Variants in SNX27 observed in about 807,000 individuals in gnomAD.
SNX27 encodes sorting nexin-27.
A neutral mutation model predicts 71.6 loss-of-function variants in SNX27; 22 were observed. The ratio of observed to expected loss-of-function variants is 0.31; its 90% CI spans 0.22 to 0.44. The LOEUF (loss-of-function observed/expected upper bound fraction) is 0.44, where lower values mean the gene tolerates loss of function less well. SNX27 is among the 20% of genes least tolerant of loss of function. SNX27 has a pLI of 1.00. For missense variants in SNX27, 531 were observed against 698.6 expected, an observed-to-expected ratio of 0.76 and a Z score of 2.70; for synonymous variants, 269 against 277.2, an observed-to-expected ratio of 0.97 and a Z score of 0.29.
In SNX27 at chr1:151,612,218, G is replaced by A. The variant is rs954308263; in HGVS notation, c.17G>A (p.Gly6Glu). 8 of 1,370,862 alleles carry A rather than the reference G, an allele frequency of 5.8e-6. No individual in the cohort carries two copies. Among genetic ancestry groups the A allele is most frequent in the South Asian group, 3.3e-5 (2 of 60,112 alleles). The allele number at this position is 1,370,862 out of a possible 1,614,324, so 84.9% of individuals were successfully genotyped here. A position where few individuals can be genotyped will look rare whatever the true frequency, so the allele number is the denominator to read the frequency against. Reference sequence around the variant, plus strand: ...GCTCGCAAGATGGCGGACGAGGACGGGGAAGGGATTCATCCCTCAGCCCCT... The same window carrying A: ...GCTCGCAAGATGGCGGACGAGGACGAGGAAGGGATTCATCCCTCAGCCCCT... Reference protein sequence around the residue: MADEDGEGIHPSAPHR... With the variant: MADEDEEGIHPSAPHR... The change falls in exon 1 of 12, where the codon GGG becomes GAG. Residue 6 changes from glycine to glutamate, a missense_variant. Physicochemically the swap from Gly to Glu is moderately conservative, Grantham distance 98 (BLOSUM62 -2). Around this residue, in one of 5 missense-constraint regions of SNX27, gnomAD observed 130 missense variants for 143.5 expected, o/e 0.91. Transcript: ENST00000458013. This position sits in a 1 kb window ranked among gnomAD's most constrained non-coding sequence, Gnocchi z 5.2.
intron 1 of SNX27, among the ~76,000 whole-genome samples, chr1:151,636,083 G>A (rs1031954475): frequency 3.3e-5 from 5 of 152,108 alleles, no homozygotes; most frequent in East Asian, 1.9e-4. Context: ...AGAAAAAAAC[G>A]CATAATAGGC....
At chr1:151,669,255 A>G (rs1218376599) in intron 7 of SNX27, 1 of 152,182 alleles carries the variant, frequency 6.6e-6, no homozygotes, top group Non-Finnish European at 1.5e-5. Context: ...CCCTTAATAT[A>G]GTCAAATTAT....
chr1:151,661,769 A>G (rs1669973072), intron 4 of SNX27, among the ~76,000 whole-genome samples: 1 of 152,206 alleles, frequency 6.6e-6, no homozygotes, highest in Admixed American at 6.5e-5. Context: ...CTCTTGATCC[A>G]GTCTATATGC....
chr1:151,651,650 C>T (rs529750615), intron 2 of SNX27, among the ~76,000 whole-genome samples: 7 of 151,550 alleles, frequency 4.6e-5, no homozygotes, highest in African/African-American at 7.3e-5. Context: ...GATGGGTGGC[C>T]GGGCAGAGAT....
chr1:151,643,296 A>ATTTATTTC, intron 2 of SNX27, among the ~76,000 whole-genome samples: 1 of 147,412 alleles, frequency 6.8e-6, no homozygotes, highest in Non-Finnish European at 1.5e-5. Context: ...TTATTTATTT[A>ATTTATTTC]TTTATTTATT....
chr1:151,612,258 T>A lies in SNX27; in HGVS notation c.57T>A (p.Gly19=). The change falls in exon 1 of 12, where the codon GGT becomes GGA. Residue 19 remains glycine, a synonymous_variant. Coordinates refer to ENST00000458013, the MANE Select transcript of SNX27 (RefSeq NM_001330723.2). The surrounding 1 kb of genome is among the most constrained non-coding windows in gnomAD (Gnocchi z 5.2). ...IHPSAPHRNG[G]GGGGGGSGLH... ...CCTCAGCCCCTCACAGGAACGGAGG[T>A]GGCGGCGGCGGCGGGGGGTCTGGGC... is the stretch of plus-strand genomic sequence containing the variant. 6.9e-7 allele frequency: 1 copy of A among 1,440,454 alleles called. No homozygotes were observed. The highest frequency in any genetic ancestry group is 1.4e-5 in the South Asian group (1 of 69,618). 89.2% of individuals were successfully genotyped at this position (1,440,454 alleles called of 1,614,324 possible).
In SNX27 at chr1:151,695,303, C is replaced by G. The variant is rs1558081073; in HGVS notation, c.*886C>G. On this transcript the variant is annotated 3_prime_UTR_variant, in exon 12 of 12. Coordinates refer to ENST00000458013, the MANE Select transcript of SNX27 (RefSeq NM_001330723.2). ...CATTCTGCACCTCCTTCCTGCTTTCCTAGAGCCTCGGTATGCTTTCCCTCA... is the reference window on the plus strand; with the variant it reads ...CATTCTGCACCTCCTTCCTGCTTTCGTAGAGCCTCGGTATGCTTTCCCTCA... 2 of 151,994 alleles carry G rather than the reference C, an allele frequency of 1.3e-5. No individual in the cohort carries two copies. Among genetic ancestry groups the G allele is most frequent in the South Asian group, 2.1e-4 (1 of 4,822 alleles). 9.4% of individuals were successfully genotyped at this position (151,994 alleles called of 1,614,324 possible). A position where few individuals can be genotyped will look rare whatever the true frequency, so the allele number is the denominator to read the frequency against.
At chr1:151,651,309 G>A (rs1200707816) in intron 2 of SNX27, among the ~76,000 whole-genome samples, 2 of 151,396 alleles carry the variant, frequency 1.3e-5, no homozygotes, top group African/African-American at 4.8e-5. Flanking sequence ...CCCAGATGGG[G>A]CGGCTGGCGG....
intron 1 of SNX27, among the ~76,000 whole-genome samples, chr1:151,637,091 G>A (rs1202773894): frequency 6.6e-6 from 1 of 150,920 alleles, no homozygotes; most frequent in Admixed American, 6.6e-5. Context: ...ACTCCTGTAA[G>A]TAGCTCCAAA....
intron 1 of SNX27, among the ~76,000 whole-genome samples, chr1:151,631,812 ATACGTGTGCAC>A (rs1668248873): frequency 6.6e-6 from 1 of 152,088 alleles, no homozygotes; most frequent in African/African-American, 2.4e-5. Flanking sequence ...AGCTGGGACA[ATACGTGTGCAC>A]CACCAGGCCC....
At position 151,692,406 on chromosome 1, in the gene SNX27, C is replaced by CTTTTTT. The variant is rs61159507; in HGVS notation, c.1240-8_1240-3dup. The CTTTTTT allele has an allele frequency of 3.3e-4, 279 of 854,558 alleles. 22 individuals are homozygous for CTTTTTT. Among genetic ancestry groups the CTTTTTT allele is most frequent in the South Asian group, 6.9e-4 (37 of 53,312 alleles). 52.9% of individuals were successfully genotyped at this position (854,558 alleles called of 1,614,324 possible). On this transcript the variant is annotated intron_variant, in intron 8 of 11. Transcript: ENST00000458013. ...TAACCCTGTTTCCTGTTTCTCCTTC[C>CTTTTTT]TTTTTTTTTTTTTTTTTTTTTTTTT...
At chr1:151,656,637 G>A (rs918139747) in intron 2 of SNX27, among the ~76,000 whole-genome samples, 4 of 152,316 alleles carry the variant, frequency 2.6e-5, no homozygotes, top group South Asian at 2.1e-4. Flanking sequence ...AATATCTTTT[G>A]CATGTACAGC....
intron 6 of SNX27, among the ~76,000 whole-genome samples, chr1:151,668,153 A>C (rs1309317922): frequency 6.6e-6 from 1 of 151,826 alleles, no homozygotes; most frequent in African/African-American, 2.4e-5. Context: ...AGATCACATT[A>C]GGCCCCACCT....
chr1:151,651,472 C>T (rs1369537519), intron 2 of SNX27, among the ~76,000 whole-genome samples: 1 of 150,150 alleles, frequency 6.7e-6, no homozygotes, highest in Non-Finnish European at 1.5e-5. Flanking sequence ...AGAGGGGCTC[C>T]TCACTTCTCA....
chr1:151,622,568 T>C (rs1667724586), intron 1 of SNX27, among the ~76,000 whole-genome samples: 1 of 152,252 alleles, frequency 6.6e-6, no homozygotes, highest in Non-Finnish European at 1.5e-5. Context: ...ACTTTCACTG[T>C]GGTCAGTATA....
chr1:151,628,655 T>G (rs150302255), intron 1 of SNX27, among the ~76,000 whole-genome samples: 133 of 152,320 alleles, frequency 8.7e-4, no homozygotes, highest in African/African-American at 3.0e-3. Flanking sequence ...GTATTTGGTA[T>G]TACCAGGTTT....
chr1:151,694,191 T>C (rs949333563), intron 11 of SNX27, 179 bp from the exon 12 acceptor site: 1 of 1,359,486 alleles, frequency 7.4e-7, no homozygotes, highest in African/African-American at 1.5e-5. Flanking sequence ...ACGTAATTAA[T>C]ATCCAAGGTC....
At chr1:151,658,496 C>A in intron 3 of SNX27, 69 bp downstream of exon 3, 1 of 1,432,180 alleles carries the variant, frequency 7.0e-7, no homozygotes, top group Non-Finnish European at 9.5e-7. Flanking sequence ...TTCTAAACTG[C>A]ATAGCTGAAT....
chr1:151,644,401 C>T (rs1222641858), intron 2 of SNX27, among the ~76,000 whole-genome samples: 1 of 152,132 alleles, frequency 6.6e-6, no homozygotes, highest in African/African-American at 2.4e-5. Context: ...TTTTTTGTAA[C>T]TGGCTTCTTT....
Sources: allele counts gnomAD v4.1 joint callset (sites outside exome capture counted in the v4.1 genomes callset), GRCh38; gene constraint gnomAD v4.1.1; regional missense constraint gnomAD v4.1.1; non-coding constraint Gnocchi (gnomAD v3.1); transcripts MANE v1.5; gene names NCBI Gene and HGNC (gene_info 2026-07-23, HGNC 2026-07-21).